The following GRIA4 variants were observed in gnomAD, a reference collection of about 807,000 sequenced individuals.
GRIA4 encodes glutamate ionotropic receptor AMPA type subunit 4.
Under a neutral mutation model 104.0 loss-of-function variants are expected in GRIA4, and 34 were observed. The observed-to-expected ratio is 0.33, with a 90% CI of 0.25 to 0.44. The LOEUF (loss-of-function observed/expected upper bound fraction) is 0.44, where lower values mean the gene tolerates loss of function less well. Among genes scored for constraint, GRIA4 ranks in the 20% least tolerant of loss-of-function variants. The pLI, the probability that GRIA4 is intolerant of heterozygous loss-of-function variation, is 1.00. For missense variants in GRIA4, 750 were observed against 1,096.5 expected, an observed-to-expected ratio of 0.68 and a Z score of 4.46; for synonymous variants, 386 against 381.9, an observed-to-expected ratio of 1.01 and a Z score of -0.13.
At chr11:105,963,796 G>A (rs1341513694) in intron 14 of GRIA4, among the ~76,000 whole-genome samples, 1 of 151,748 alleles carries the variant, frequency 6.6e-6, no homozygotes, top group African/African-American at 2.4e-5. Context: ...CCTTTATTTT[G>A]CTTTTTAGTT....
intron 9 of GRIA4, among the ~76,000 whole-genome samples, chr11:105,906,568 G>T (rs1404748215): frequency 1.4e-4 from 22 of 152,160 alleles, no homozygotes; most frequent in Admixed American, 1.4e-3. Flanking sequence ...GTGTGCTTCT[G>T]TATCTGTGAG....
At chr11:105,816,902 G>A (rs1196629852) in intron 4 of GRIA4, among the ~76,000 whole-genome samples, 2 of 152,094 alleles carry the variant, frequency 1.3e-5, no homozygotes, top group Admixed American at 6.6e-5. Flanking sequence ...CATAGTCCTA[G>A]ATACTCAGGA....
intron 8 of GRIA4, among the ~76,000 whole-genome samples, chr11:105,904,824 T>G (rs1184859002): frequency 6.6e-6 from 1 of 152,188 alleles, no homozygotes; most frequent in Non-Finnish European, 1.5e-5. Flanking sequence ...TGATCTGGCA[T>G]AAGTATCAGG....
intron 4 of GRIA4, among the ~76,000 whole-genome samples, chr11:105,794,473 GTATATA>G (rs71041629): frequency 0.01 from 458 of 43,882 alleles, 7 homozygotes; most frequent in African/African-American, 0.019. Flanking sequence ...GTATATGTAT[GTATATA>G]TATATATATA....
chr11:105,829,179 A>T (rs959276889), intron 4 of GRIA4, among the ~76,000 whole-genome samples: 24 of 151,938 alleles, frequency 1.6e-4, no homozygotes, highest in Admixed American at 1.6e-3. Context: ...AATGAGGCTC[A>T]TTAAGACTTA....
intron 3 of GRIA4, among the ~76,000 whole-genome samples, chr11:105,687,691 T>C (rs1002458166): frequency 6.6e-6 from 1 of 152,216 alleles, no homozygotes; most frequent in Non-Finnish European, 1.5e-5. Context: ...GGGTCAGGCA[T>C]AGCCATATTG....
intron 3 of GRIA4, among the ~76,000 whole-genome samples, chr11:105,724,084 G>A (rs1938019270): frequency 6.6e-6 from 1 of 151,952 alleles, no homozygotes; most frequent in Non-Finnish European, 1.5e-5. Context: ...TTCATATGAC[G>A]TCTATAGAGA....
intron 3 of GRIA4, among the ~76,000 whole-genome samples, chr11:105,648,368 T>C (rs1010963700): frequency 2.0e-5 from 3 of 151,486 alleles, no homozygotes; most frequent in African/African-American, 7.2e-5. Flanking sequence ...ATTATAGTAA[T>C]TGGATATTTA....
intron 6 of GRIA4, among the ~76,000 whole-genome samples, chr11:105,889,751 A>T (rs943407924): frequency 6.6e-6 from 1 of 152,202 alleles, no homozygotes; most frequent in African/African-American, 2.4e-5. Flanking sequence ...TTGAAAAAGA[A>T]GATTATATGT....
intron 4 of GRIA4, among the ~76,000 whole-genome samples, chr11:105,767,201 T>C (rs1454564749): frequency 6.6e-6 from 1 of 152,046 alleles, no homozygotes; most frequent in Admixed American, 6.6e-5. Flanking sequence ...GTGTGATCAC[T>C]GAATAGTTAT....
chr11:105,749,382 GAA>G (rs1013489099), intron 3 of GRIA4, among the ~76,000 whole-genome samples: 1 of 152,136 alleles, frequency 6.6e-6, no homozygotes, highest in Non-Finnish European at 1.5e-5. Context: ...CTTTATAAAA[GAA>G]AAGAGTTGAG....
intron 3 of GRIA4, among the ~76,000 whole-genome samples, chr11:105,740,675 G>C (rs997538475): frequency 1.3e-5 from 2 of 152,202 alleles, no homozygotes; most frequent in African/African-American, 4.8e-5. Context: ...CCTCATGACA[G>C]AGAGGAGTCA....
At chr11:105,914,351 T>C (rs1258323103) in intron 10 of GRIA4, among the ~76,000 whole-genome samples, 14 of 151,998 alleles carry the variant, frequency 9.2e-5, no homozygotes, top group Admixed American at 8.5e-4. Flanking sequence ...GGAAACAACA[T>C]TGGTTAACAC....
chr11:105,854,172 G>C (rs765710547), intron 4 of GRIA4, among the ~76,000 whole-genome samples: 5 of 152,096 alleles, frequency 3.3e-5, no homozygotes, highest in Non-Finnish European at 7.4e-5. Context: ...AGGTGAGTGA[G>C]TAAAATCTAG....
chr11:105,632,843 A>G (rs1690606136), intron 3 of GRIA4, among the ~76,000 whole-genome samples: 1 of 152,190 alleles, frequency 6.6e-6, no homozygotes, highest in South Asian at 2.1e-4. Flanking sequence ...ATGGACCTCT[A>G]AGCATTAATA....
intron 4 of GRIA4, among the ~76,000 whole-genome samples, chr11:105,779,153 T>C (rs1003999640): frequency 3.3e-5 from 5 of 151,842 alleles, no homozygotes; most frequent in Non-Finnish European, 7.4e-5. Context: ...CCATGGTGTA[T>C]ATGTGCCAAA....
chr11:105,683,583 A>G (rs962861878), intron 3 of GRIA4, among the ~76,000 whole-genome samples: 6 of 152,184 alleles, frequency 3.9e-5, no homozygotes, highest in Admixed American at 1.3e-4. Context: ...TTTGTATGAA[A>G]ATATTTAATT....
chr11:105,709,650 T>A lies in GRIA4; in HGVS notation c.248-43331T>A, dbSNP rs187824480. On this transcript the variant is annotated intron_variant, in intron 3 of 16. Coordinates refer to ENST00000282499, the MANE Select transcript of GRIA4 (RefSeq NM_000829.4). ...ACTGAGAAGGGTACAGCATCACTTC[T>A]GCGGTATTTCTGCCACATGCAAAAA... Among the ~76,000 whole-genome samples the A allele has an allele frequency of 2.6e-5, 4 of 152,204 alleles. No individual in the cohort carries two copies. In the East Asian group the frequency reaches 5.8e-4, roughly 22 times the overall value.
intron 3 of GRIA4, among the ~76,000 whole-genome samples, chr11:105,752,225 G>T (rs1412242583): frequency 1.3e-5 from 2 of 152,150 alleles, no homozygotes; most frequent in African/African-American, 4.8e-5. Flanking sequence ...ATGAGGCCGT[G>T]TACCTGTTTC....
Sources: gnomAD v4.1 joint callset for allele counts (sites outside exome capture counted in the v4.1 genomes callset) on GRCh38, gnomAD v4.1.1 for gene constraint, MANE v1.5 for transcripts, NCBI Gene and HGNC (gene_info 2026-07-23, HGNC 2026-07-21) for gene names.